The following ADARB1 variants were observed in gnomAD, a reference collection of about 807,000 sequenced individuals.
ADARB1 encodes the protein adenosine deaminase RNA specific B1.
A neutral mutation model predicts 52.4 loss-of-function variants in ADARB1; 10 were observed. That is an observed-to-expected ratio of 0.19 (90% CI 0.12 to 0.32). ADARB1 has a LOEUF of 0.32. Among genes scored for constraint, ADARB1 ranks in the 10% least tolerant of loss-of-function variants. The pLI is 1.00. For synonymous variants in ADARB1, 349 were observed against 371.1 expected (o/e 0.94, Z 0.68); for missense variants, 643 against 922.3 (o/e 0.70, Z 3.92).
At chr21:45,139,639 G>T (rs897487131) in intron 2 of ADARB1, among the ~76,000 whole-genome samples, 4 of 152,214 alleles carry the variant, frequency 2.6e-5, no homozygotes, top group African/African-American at 9.6e-5. Flanking sequence ...AGCGAGCGTG[G>T]TGAGTGGTAG....
intron 2 of ADARB1, among the ~76,000 whole-genome samples, chr21:45,130,506 T>A (rs548792929): frequency 6.6e-6 from 1 of 152,388 alleles, no homozygotes; most frequent in South Asian, 2.1e-4. Context: ...GTGTATTTCC[T>A]TTCTTTCATA....
At chr21:45,163,002 C>T (rs959007515) in intron 2 of ADARB1, among the ~76,000 whole-genome samples, 5 of 152,246 alleles carry the variant, frequency 3.3e-5, no homozygotes, top group African/African-American at 9.6e-5. Flanking sequence ...CCAGTGCTCC[C>T]TTGCCCACTC....
intron 1 of ADARB1, chr21:45,120,905 T>C (rs1008243637): frequency 1.3e-5 from 2 of 152,246 alleles, no homozygotes; most frequent in Non-Finnish European, 2.9e-5. Flanking sequence ...AATAGAAATG[T>C]CGCTGTTCAG....
At chr21:45,211,407 T>A (rs2092766752) in intron 9 of ADARB1, among the ~76,000 whole-genome samples, 1 of 152,248 alleles carries the variant, frequency 6.6e-6, no homozygotes, top group African/African-American at 2.4e-5. Flanking sequence ...TGACTCTTTC[T>A]TATTTGCAGA....
chr21:45,121,169 C>T (rs1319116246), intron 1 of ADARB1, among the ~76,000 whole-genome samples: 3 of 152,182 alleles, frequency 2.0e-5, no homozygotes, highest in African/African-American at 4.8e-5. Context: ...TTCGCTGGAA[C>T]GGTATGTGTA....
intron 1 of ADARB1, among the ~76,000 whole-genome samples, chr21:45,106,628 C>G (rs866439939): frequency 6.6e-6 from 1 of 152,158 alleles, no homozygotes; most frequent in African/African-American, 2.4e-5. Context: ...TTTAATAAAC[C>G]ATTTTTAGTG....
intron 5 of ADARB1, among the ~76,000 whole-genome samples, 180 bp from the exon 6 acceptor site, chr21:45,182,405 C>T (rs998175998): frequency 6.6e-6 from 1 of 152,078 alleles, no homozygotes; most frequent in East Asian, 1.9e-4. Context: ...AGGTTGTTTG[C>T]GTGTATACAT....
intron 2 of ADARB1, among the ~76,000 whole-genome samples, chr21:45,136,676 C>A (rs898438168): frequency 2.0e-5 from 3 of 152,236 alleles, no homozygotes; most frequent in Non-Finnish European, 2.9e-5. Context: ...CACCAGCCAG[C>A]GGCTGCTGGG....
intron 5 of ADARB1, among the ~76,000 whole-genome samples, chr21:45,181,306 C>T (rs1035817612): frequency 3.3e-5 from 5 of 152,218 alleles, no homozygotes; most frequent in African/African-American, 1.2e-4. Context: ...CACTGACCCA[C>T]CTCTTGCTGC....
chr21:45,222,068 T>C lies in ADARB1; in HGVS notation c.1977T>C (p.His659=). 1.2e-6 allele frequency: 2 copies of C among 1,613,676 alleles called. No individual in the cohort carries two copies. The highest frequency in any genetic ancestry group is 1.7e-6 in the Non-Finnish European group (2 of 1,179,980). The change falls in exon 11 of 11, where the codon CAT becomes CAC. Residue 659 remains histidine (H), a synonymous_variant. Transcript: ENST00000348831. Reference sequence around the variant, plus strand: ...AGATTACCAAGCCCAACGTGTACCATGAGTCCAAGCTGGCGGCAAAGGAGT... The same window carrying C: ...AGATTACCAAGCCCAACGTGTACCACGAGTCCAAGCTGGCGGCAAAGGAGT... ...RSKITKPNVY[H]ESKLAAKEYQ...
intron 1 of ADARB1, among the ~76,000 whole-genome samples, chr21:45,121,907 C>T (rs753141902): frequency 2.6e-5 from 4 of 152,222 alleles, no homozygotes; most frequent in Non-Finnish European, 2.9e-5. Context: ...CCCCTCCTCT[C>T]GGGCCATCAA....
At chr21:45,151,950 G>A (rs2090313270) in intron 2 of ADARB1, among the ~76,000 whole-genome samples, 4 of 152,214 alleles carry the variant, frequency 2.6e-5, no homozygotes, top group Admixed American at 2.6e-4. Context: ...CTGTGCCCCT[G>A]CTCTGCAGTA....
At chr21:45,183,020 G>T (rs748057285) in intron 6 of ADARB1, among the ~76,000 whole-genome samples, 1 of 152,172 alleles carries the variant, frequency 6.6e-6, no homozygotes, top group Non-Finnish European at 1.5e-5. Flanking sequence ...ATAAATAGAA[G>T]TTCCCAAACT....
At chr21:45,187,960 TTCATGTCTTTGGCTTTGATATCAGGGTA>T (rs1245043946) in intron 8 of ADARB1, among the ~76,000 whole-genome samples, 17 of 152,232 alleles carry the variant, frequency 1.1e-4, no homozygotes, top group African/African-American at 4.1e-4. Flanking sequence ...TTTACCCTTC[TTCATGTCTTTGGCTTTGATATCAGGGTA>T]CTGCTGGCAT....
intron 5 of ADARB1, among the ~76,000 whole-genome samples, chr21:45,181,997 C>T (rs2091948314): frequency 6.6e-6 from 1 of 152,272 alleles, no homozygotes; most frequent in Non-Finnish European, 1.5e-5. Flanking sequence ...CCTGGCATCA[C>T]ACCTCTGGTC....
chr21:45,136,580 G>T (rs1438456283), intron 2 of ADARB1, among the ~76,000 whole-genome samples: 1 of 152,260 alleles, frequency 6.6e-6, no homozygotes. Context: ...CTGTGGGGAG[G>T]CACTGACCGA....
chr21:45,170,038 G>A (rs446158), intron 2 of ADARB1, among the ~76,000 whole-genome samples: 95,006 of 152,114 alleles, frequency 0.62, 29,914 homozygotes, highest in African/African-American at 0.69. Context: ...ACTTTTTATC[G>A]GTCCTTCCAT....
chr21:45,101,278 G>A (rs926789019), intron 1 of ADARB1, among the ~76,000 whole-genome samples: 3 of 152,160 alleles, frequency 2.0e-5, no homozygotes, highest in African/African-American at 4.8e-5. Flanking sequence ...TGCTCGCTGT[G>A]CCCTGCGCGC....
intron 2 of ADARB1, among the ~76,000 whole-genome samples, chr21:45,163,533 C>T (rs2091089770): frequency 6.6e-6 from 1 of 152,166 alleles, no homozygotes; most frequent in African/African-American, 2.4e-5. Flanking sequence ...AGGAATCTCC[C>T]CCCCACCTCC....
Sources: gnomAD v4.1 joint callset for allele counts (sites outside exome capture counted in the v4.1 genomes callset) on GRCh38, gnomAD v4.1.1 for gene constraint, MANE v1.5 for transcripts, NCBI Gene and HGNC (gene_info 2026-07-23, HGNC 2026-07-21) for gene names.